Variants in HECTD3 observed in about 807,000 individuals in gnomAD.
HECTD3 encodes the protein HECT domain E3 ubiquitin protein ligase 3, also known as E3 ubiquitin-protein ligase HECTD3.
In HECTD3, 72 loss-of-function variants were observed where a neutral mutation model predicts 109.3. That is an observed-to-expected ratio of 0.66 (90% CI 0.54 to 0.80). The LOEUF (loss-of-function observed/expected upper bound fraction) is 0.80, where lower values mean the gene tolerates loss of function less well. Among genes scored for constraint, HECTD3 ranks in the 30% least tolerant of loss-of-function variants. The pLI is 0.00. For missense variants in HECTD3, 1,041 were observed against 1,165.2 expected (o/e 0.89, Z 1.55); for synonymous variants, 481 against 471.8 (o/e 1.02, Z -0.25).
rs755686044 is a variant in HECTD3 at position 45,009,131 on chromosome 1, C to T, written c.1072+13G>A. On this transcript the variant is annotated intron_variant, in intron 7 of 20. Coordinates refer to ENST00000372172, the MANE Select transcript of HECTD3 (RefSeq NM_024602.6). ...CCGGGCTCTCTTTCCCTCCTTATAG[C>T]CTTAAACCTCACCTCGGCACTCCAC... 9 of 1,610,164 alleles carry T rather than the reference C, an allele frequency of 5.6e-6. No homozygotes were observed. The South Asian group carries it at 6.6e-5, about 12-fold the overall frequency.
rs1644711117 is a variant in HECTD3, at chr1:45,003,802, G to A, written c.2429+53C>T. On this transcript the variant is annotated intron_variant, in intron 19 of 20. Transcript: ENST00000372172. The surrounding 1 kb of genome is among the most constrained non-coding windows in gnomAD (Gnocchi z 4.7). ...GTTGGGGCACATGTACGTGTGTGGGGAGGGAGGACAGAAGGCGGCCATGGC... is the reference window on the plus strand; with the variant it reads ...GTTGGGGCACATGTACGTGTGTGGGAAGGGAGGACAGAAGGCGGCCATGGC... 6 of 1,612,104 alleles carry A rather than the reference G, an allele frequency of 3.7e-6. No homozygotes were observed. In the South Asian group the frequency reaches 5.5e-5, roughly 15 times the overall value.
At position 45,006,953 on chromosome 1, in the gene HECTD3, T is replaced by C. The variant is rs1391820417; in HGVS notation, c.1619A>G (p.Gln540Arg). Residue 540 changes from glutamine (Q) to arginine (R), a missense_variant and splice_region_variant, in exon 12 of 21, where the codon CAA becomes CGA. Gln to Arg is a conservative substitution (Grantham distance 43). Transcript: ENST00000372172. The surrounding 1 kb of genome is among the most constrained non-coding windows in gnomAD (Gnocchi z 4.7). ...CKFIAEGIID[Q>R]GGGFRDSLAD... ...GAGATCCTCCCTCAGGGCCTCACCT[T>C]GGTCAATGATGCCTTCTGCAATAAA... The C allele has an allele frequency of 1.2e-6, 2 of 1,613,928 alleles. No individual in the cohort carries two copies. Among genetic ancestry groups the C allele is most frequent in the Non-Finnish European group, 1.7e-6 (2 of 1,179,956 alleles).
Position 45,011,088 on chromosome 1 carries a change from C to A in HECTD3, c.170G>T (p.Gly57Val). Reference protein sequence around the residue: ...VLYKLYKDPAGPSRVLLPVWE... With the variant: ...VLYKLYKDPAVPSRVLLPVWE... The stretch of plus-strand genomic sequence containing the variant: ...CACCGGCAGAAGCACGCGCGACGGT[C>A]CCGCTGGGTCCTTGTAAAGCTTGTA... Residue 57 changes from glycine (G) to valine (V), a missense_variant, in exon 1 of 21, where the codon GGA (glycine) becomes GTA (valine). Physicochemically the swap from Gly to Val is moderately radical, Grantham distance 109. Coordinates refer to ENST00000372172, the MANE Select transcript of HECTD3 (RefSeq NM_024602.6). 6.7e-7 allele frequency: 1 copy of A among 1,485,300 alleles called. No homozygotes were observed. Among genetic ancestry groups the A allele is most frequent in the East Asian group, 2.8e-5 (1 of 35,626 alleles). 92.0% of individuals were successfully genotyped at this position (1,485,300 alleles called of 1,614,324 possible). A position where few individuals can be genotyped will look rare whatever the true frequency, so the allele number is the denominator to read the frequency against.
chr1:45,010,621 A>C lies in HECTD3; in HGVS notation c.455T>G (p.Leu152Arg). 6.2e-7 allele frequency: 1 copy of C among 1,611,776 alleles called. No homozygotes were observed. The highest frequency in any genetic ancestry group is 8.5e-7 in the Non-Finnish European group (1 of 1,179,706). ...GTGGTTGGGAGTGTCGATGGGTACC[A>C]GGCGGGCTCCGCCCTCCGCCGGGCG... ...VCRPAEGGAR[L>R]VPIDTPNHLQ... The change falls in exon 2 of 21, where the codon CTG becomes CGG. Residue 152 changes from leucine (L) to arginine (R), a missense_variant. By Grantham distance (102) the Leu-to-Arg change is moderately radical. Transcript: ENST00000372172.
Position 45,003,761 on chromosome 1 carries a change from T to A in HECTD3, c.2430-21A>T. 6.2e-7 allele frequency: 1 copy of A among 1,613,576 alleles called. No individual in the cohort carries two copies. Among genetic ancestry groups the A allele is most frequent in the Non-Finnish European group, 8.5e-7 (1 of 1,179,702 alleles). ...CGTAGCTGGGGGCATTGAGGGACCA[T>A]AGGTCAGGAAGATGTGTTGGGGCAC... On this transcript the variant is annotated intron_variant, in intron 19 of 20. Coordinates refer to ENST00000372172, the MANE Select transcript of HECTD3 (RefSeq NM_024602.6). The surrounding 1 kb of genome is among the most constrained non-coding windows in gnomAD (Gnocchi z 4.7).
At chr1:45,004,002 C>T (rs1447023281) in intron 18 of HECTD3, 58 bp downstream of exon 18, 1 of 1,612,754 alleles carries the variant, frequency 6.2e-7, no homozygotes, top group African/African-American at 1.3e-5. Flanking sequence ...TCTACCCTGC[C>T]TCTGCAACTC....
chr1:45,009,162 G>A lies in HECTD3; in HGVS notation c.1054C>T (p.Arg352Cys), dbSNP rs769152793. The change falls in exon 7 of 21, where the codon CGC becomes TGC. Residue 352 changes from arginine to cysteine, a missense_variant. This residue lies in a region of HECTD3 where 569 missense variants were observed against 715.3 expected (regional missense o/e 0.80). Coordinates refer to ENST00000372172, the MANE Select transcript of HECTD3 (RefSeq NM_024602.6). ...MTVHLPIIEI[R>C]IVECRDDGID... ...ACCTCACCTCGGCACTCCACGATGC[G>A]GATCTCGATGATCGGGAGGTGGACG... The A allele has an allele frequency of 9.3e-6, 15 of 1,613,798 alleles. No individual in the cohort carries two copies. In the African/African-American group the frequency reaches 9.4e-5, roughly 10 times the overall value.
rs1262798671 is a variant in HECTD3 at position 45,009,581 on chromosome 1, C to T, written c.862G>A (p.Gly288Ser). The change falls in exon 5 of 21, where the codon GGC (glycine) becomes AGC (serine). Residue 288 changes from glycine to serine, a missense_variant. Gly to Ser is a moderately conservative substitution (Grantham distance 56, BLOSUM62 0). Transcript: ENST00000372172. ...GAGCCTACTTACTTGACAATGGTGC[C>T]CTTCTTCATAGTAAGCCGTACCCAG... is the stretch of plus-strand genomic sequence containing the variant. ...QHWVRLTMKK[G>S]TIVKKLLLTV... 5 of 1,613,322 alleles carry T rather than the reference C, an allele frequency of 3.1e-6. No individual in the cohort carries two copies. Among genetic ancestry groups the T allele is most frequent in the Admixed American group, 3.3e-5 (2 of 59,988 alleles).
chr1:45,010,651 A>G lies in HECTD3; in HGVS notation c.425T>C (p.Val142Ala). The G allele has an allele frequency of 6.3e-7, 1 of 1,598,302 alleles. No individual in the cohort carries two copies. The highest frequency in any genetic ancestry group is 1.7e-4 in the Middle Eastern group (1 of 5,994). The part of the protein sequence containing the change: ...DCGLQEGWLL[V>A]CRPAEGGARL... ...GGCTCCGCCCTCCGCCGGGCGGCACACCAGCAGCCAGCCTTCCTGCAGCCC... is the reference window on the plus strand; with the variant it reads ...GGCTCCGCCCTCCGCCGGGCGGCACGCCAGCAGCCAGCCTTCCTGCAGCCC... Residue 142 changes from valine (V) to alanine (A), a missense_variant, in exon 2 of 21, where the codon GTG (valine) becomes GCG (alanine). By Grantham distance (64) the Val-to-Ala change is moderately conservative. Around this residue, in one of 2 missense-constraint regions of HECTD3, gnomAD observed 472 missense variants for 449.9 expected, o/e 1.05. Coordinates refer to ENST00000372172, the MANE Select transcript of HECTD3 (RefSeq NM_024602.6).
At position 45,003,586 on chromosome 1, in the gene HECTD3, T is replaced by C. The variant is rs1382523797; in HGVS notation, c.2502-10A>G. 3 of 1,613,994 alleles carry C rather than the reference T, an allele frequency of 1.9e-6. No individual in the cohort carries two copies. Among genetic ancestry groups the C allele is most frequent in the African/African-American group, 2.7e-5 (2 of 74,922 alleles). On this transcript the variant is annotated splice_polypyrimidine_tract_variant and intron_variant, in intron 20 of 20. Coordinates refer to ENST00000372172, the MANE Select transcript of HECTD3 (RefSeq NM_024602.6). This position sits in a 1 kb window ranked among gnomAD's most constrained non-coding sequence, Gnocchi z 4.7. ...CTCGCATACCTTGGCACTGTGGGAA[T>C]GGGGACTTGGTCAGGTCCCTACATC...
rs767858608 is a variant in HECTD3 at position 45,006,082 on chromosome 1, A to G, written c.1760T>C (p.Val587Ala). The G allele has an allele frequency of 1.2e-6, 2 of 1,614,154 alleles. No homozygotes were observed. Among genetic ancestry groups the G allele is most frequent in the South Asian group, 2.2e-5 (2 of 91,084 alleles). The change falls in exon 14 of 21, where the codon GTA (valine) becomes GCA (alanine). Residue 587 changes from valine (V) to alanine (A), a missense_variant. Physicochemically the swap from Val to Ala is moderately conservative, Grantham distance 64. This residue lies in a region of HECTD3 where 569 missense variants were observed against 715.3 expected (regional missense o/e 0.80). Transcript: ENST00000372172. The surrounding 1 kb of genome is among the most constrained non-coding windows in gnomAD (Gnocchi z 4.7). ...NGTGEARDMY[V>A]PNPSCRDFAK... Reference sequence around the variant, plus strand: ...AAAGTCTCGGCAGGAGGGGTTGGGTACATACATGTCCCGAGCCTCACCAGT... The same window carrying G: ...AAAGTCTCGGCAGGAGGGGTTGGGTGCATACATGTCCCGAGCCTCACCAGT...
intron 8 of HECTD3, 58 bp downstream of exon 8, chr1:45,008,478 C>T (rs1041625132): frequency 1.9e-6 from 3 of 1,578,220 alleles, no homozygotes; most frequent in Non-Finnish European, 1.7e-6. Context: ...TCCATGCAGA[C>T]ACACAAGGCT....
In HECTD3 at chr1:45,003,194, C is replaced by A. The variant is rs1644705384; in HGVS notation, c.*298G>T. On this transcript the variant is annotated 3_prime_UTR_variant, in exon 21 of 21. Transcript: ENST00000372172. This position sits in a 1 kb window ranked among gnomAD's most constrained non-coding sequence, Gnocchi z 4.7. ...CCATGGGTTGGGGACCTAGATGGCC[C>A]CCTTCAAGTAGCTCAGGCCTGGCAG... 5 of 406,622 alleles carry A rather than the reference C, an allele frequency of 1.2e-5. No individual in the cohort carries two copies. The highest frequency in any genetic ancestry group is 1.8e-5 in the Non-Finnish European group (4 of 219,860). 25.2% of individuals were successfully genotyped at this position (406,622 alleles called of 1,614,324 possible). A position where few individuals can be genotyped will look rare whatever the true frequency, so the allele number is the denominator to read the frequency against.
intron 7 of HECTD3, 142 bp downstream of exon 7, chr1:45,009,002 C>A: frequency 1.3e-6 from 1 of 757,684 alleles, no homozygotes. Flanking sequence ...TGGCTCAGGC[C>A]CCAAAGCTCC....
Position 45,005,892 on chromosome 1 carries a change from C to A in HECTD3, c.1846-9G>T, listed in dbSNP as rs1378574068. ...CCAGGCAGGGCCAGGACCTGTGTGA[C>A]AAACACTCCCCACTGTCTTCTCACC... On this transcript the variant is annotated splice_polypyrimidine_tract_variant and intron_variant, in intron 14 of 20. Coordinates refer to ENST00000372172, the MANE Select transcript of HECTD3 (RefSeq NM_024602.6). 3 of 1,604,530 alleles carry A rather than the reference C, an allele frequency of 1.9e-6. No homozygotes were observed. The highest frequency in any genetic ancestry group is 2.6e-6 in the Non-Finnish European group (3 of 1,175,352).
chr1:45,010,025 C>T lies in HECTD3; in HGVS notation c.720G>A (p.Val240=). The T allele has an allele frequency of 5.1e-6, 8 of 1,555,236 alleles. No individual in the cohort carries two copies. Among genetic ancestry groups the T allele is most frequent in the Non-Finnish European group, 7.0e-6 (8 of 1,147,242 alleles). ...LGKEDENLGS[V]KQYVESIDVS... ...CGTCTATGCTCTCCACATACTGCTT[C>T]ACGCTACCCAGGTTCTCATCCTCCT... Residue 240 remains valine (V), a synonymous_variant, in exon 4 of 21, where the codon GTG becomes GTA. Coordinates refer to ENST00000372172, the MANE Select transcript of HECTD3 (RefSeq NM_024602.6).
chr1:45,005,326 A>G (rs774203382), intron 15 of HECTD3: 3 of 206,066 alleles, frequency 1.5e-5, no homozygotes, highest in East Asian at 1.2e-4. Context: ...GTGATTAGCT[A>G]AGGAGGAAAG....
chr1:45,005,737 G>A, intron 15 of HECTD3, 57 bp downstream of exon 15: 1 of 1,422,626 alleles, frequency 7.0e-7, no homozygotes, highest in Non-Finnish European at 9.6e-7. Flanking sequence ...ACAGCCTTAG[G>A]GAGGACCAAC....
intron 2 of HECTD3, 74 bp from the exon 3 acceptor site, chr1:45,010,367 C>T: frequency 1.3e-6 from 2 of 1,491,224 alleles, no homozygotes; most frequent in East Asian, 2.3e-5. Flanking sequence ...TGCCGTGTAG[C>T]CTTCTTCAGG....
Sources: allele counts gnomAD v4.1 joint callset, GRCh38; gene constraint gnomAD v4.1.1; regional missense constraint gnomAD v4.1.1; non-coding constraint Gnocchi (gnomAD v3.1); transcripts MANE v1.5; gene names NCBI Gene and HGNC (gene_info 2026-07-23, HGNC 2026-07-21).